Variants in PCDH11X observed in about 807,000 individuals in gnomAD.
PCDH11X encodes protocadherin-11 X-linked.
PCDH11X carries 18 observed loss-of-function variants against 53.3 expected under a neutral mutation model. That is an observed-to-expected ratio of 0.34 (90% confidence interval 0.23 to 0.50). PCDH11X has a LOEUF of 0.50. Ranked by LOEUF, PCDH11X falls within the 20% of genes least tolerant of loss-of-function variation. PCDH11X has a pLI of 0.98. For missense variants in PCDH11X, 570 were observed against 1,032.4 expected, an observed-to-expected ratio of 0.55 and a Z score of 6.14; for synonymous variants, 279 against 393.3, an observed-to-expected ratio of 0.71 and a Z score of 3.44.
intron 8 of PCDH11X, among the ~76,000 whole-genome samples, chrX:92,315,174 A>G (rs2069047778): frequency 8.9e-6 from 1 of 111,906 alleles, no homozygotes; most frequent in Admixed American, 9.5e-5. Flanking sequence ...ACTTTTACAG[A>G]TGCTCATAGA....
chrX:92,432,214 G>T (rs1443966583), intron 9 of PCDH11X, among the ~76,000 whole-genome samples: 9 of 109,500 alleles, frequency 8.2e-5, no homozygotes, highest in African/African-American at 3.0e-4. Flanking sequence ...AAATAATATG[G>T]CACCATTCTC....
At chrX:91,806,657 G>A (rs1424360264) in intron 1 of PCDH11X, among the ~76,000 whole-genome samples, 1 of 112,318 alleles carries the variant, frequency 8.9e-6, no homozygotes, top group African/African-American at 3.2e-5. Context: ...TTAGGCCTAC[G>A]CTGATGGAGG....
intron 10 of PCDH11X, among the ~76,000 whole-genome samples, chrX:92,609,609 T>A (rs1927155492): frequency 9.0e-6 from 1 of 111,443 alleles, no homozygotes; most frequent in South Asian, 3.7e-4. Context: ...CTTATTGTTA[T>A]TTTTTAGTTT....
chrX:92,235,729 A>T (rs1283716339), intron 7 of PCDH11X, among the ~76,000 whole-genome samples: 1 of 111,481 alleles, frequency 9.0e-6, no homozygotes, highest in Non-Finnish European at 1.9e-5. Context: ...TTGGAAGCAT[A>T]TGCAATGGGA....
intron 6 of PCDH11X, among the ~76,000 whole-genome samples, chrX:92,064,665 A>G (rs1037930155): frequency 7.2e-5 from 8 of 110,469 alleles, no homozygotes; most frequent in Non-Finnish European, 1.5e-4. Flanking sequence ...AGGTAATTAT[A>G]GATTTATGAT....
At chrX:92,060,533 G>A (rs1369212356) in intron 6 of PCDH11X, among the ~76,000 whole-genome samples, 1 of 109,715 alleles carries the variant, frequency 9.1e-6, no homozygotes. Context: ...TCTCTTCTTT[G>A]TGTCCATGTG....
At chrX:92,446,201 A>G (rs2072640840) in intron 9 of PCDH11X, among the ~76,000 whole-genome samples, 1 of 110,754 alleles carries the variant, frequency 9.0e-6, no homozygotes, top group African/African-American at 3.3e-5. Context: ...CAATATTTTA[A>G]ATGATTCTAT....
At chrX:92,257,256 C>T (rs2067611620) in intron 7 of PCDH11X, among the ~76,000 whole-genome samples, 1 of 111,099 alleles carries the variant, frequency 9.0e-6, no homozygotes, top group African/African-American at 3.3e-5. Context: ...ATGAGAACTC[C>T]ACCCCCATGA....
chrX:92,443,089 C>G (rs1256474973), intron 9 of PCDH11X, among the ~76,000 whole-genome samples: 1 of 106,032 alleles, frequency 9.4e-6, no homozygotes, highest in African/African-American at 3.5e-5. Flanking sequence ...TGTTTTTTGT[C>G]TTTTTCATAA....
At chrX:92,274,744 A>G (rs1356204750) in intron 8 of PCDH11X, among the ~76,000 whole-genome samples, 7 of 110,876 alleles carry the variant, frequency 6.3e-5, no homozygotes, top group Non-Finnish European at 1.3e-4. Flanking sequence ...AGGTTCTGAG[A>G]GGCGGGCTAG....
chrX:92,136,075 G>A (rs1000337688), intron 6 of PCDH11X, among the ~76,000 whole-genome samples: 39 of 111,342 alleles, frequency 3.5e-4, no homozygotes, highest in Non-Finnish European at 6.6e-4. Context: ...GAAGTCTTAT[G>A]TGTTCAAATT....
rs1347494806 is a variant in PCDH11X at position 92,622,741 on chromosome X, G to A, written c.*3801G>A. 1 of 109,338 alleles carries A rather than the reference G, an allele frequency of 9.1e-6. No homozygotes were observed. Among genetic ancestry groups the A allele is most frequent in the African/African-American group, 3.3e-5 (1 of 30,195 alleles). 9.0% of individuals were successfully genotyped at this position (109,338 alleles called of 1,213,427 possible). ...CACACCAGATCAATTTTATGCAGAG[G>A]CCTTAAAATATTCTTTCACAGTAGC... On this transcript the variant is annotated 3_prime_UTR_variant, in exon 11 of 11. Coordinates refer to ENST00000682573, the MANE Select transcript of PCDH11X (RefSeq NM_032968.5).
At chrX:92,538,101 C>G (rs868853993) in intron 10 of PCDH11X, among the ~76,000 whole-genome samples, 55 of 105,562 alleles carry the variant, frequency 5.2e-4, no homozygotes, top group Middle Eastern at 5.1e-3. Flanking sequence ...AAATTTACTT[C>G]TTTATCATTG....
At chrX:92,212,055 A>C (rs372375098) in intron 7 of PCDH11X, among the ~76,000 whole-genome samples, 2 of 86,360 alleles carry the variant, frequency 2.3e-5, no homozygotes, top group East Asian at 7.5e-4. Context: ...TTTGTCACCC[A>C]AGCTGGAGTG....
At chrX:92,214,607 C>G (rs988642183) in intron 7 of PCDH11X, among the ~76,000 whole-genome samples, 1 of 111,712 alleles carries the variant, frequency 9.0e-6, no homozygotes, top group Admixed American at 9.5e-5. Flanking sequence ...TTTTTCCCTC[C>G]AATCCCATCT....
At chrX:92,545,175 T>G (rs1281713270) in intron 10 of PCDH11X, among the ~76,000 whole-genome samples, 1 of 111,018 alleles carries the variant, frequency 9.0e-6, no homozygotes, top group Admixed American at 9.6e-5. Flanking sequence ...GATTAGCAAG[T>G]AAGTTTTGTG....
chrX:92,579,069 G>A (rs1923330479), intron 10 of PCDH11X, among the ~76,000 whole-genome samples: 1 of 104,771 alleles, frequency 9.5e-6, no homozygotes, highest in Non-Finnish European at 2.0e-5. Flanking sequence ...GTTGAATATT[G>A]GCTCCCAATC....
At chrX:91,869,651 T>G (rs1939176156) in intron 5 of PCDH11X, among the ~76,000 whole-genome samples, 1 of 111,268 alleles carries the variant, frequency 9.0e-6, no homozygotes, top group East Asian at 2.8e-4. Flanking sequence ...TCATTTGTAT[T>G]GCATATCTTC....
rs771474295 is a variant in PCDH11X, at chrX:92,555,358, A to G, written c.3368-62906A>G. ...TGTACCTAGGATCTATCATGATGAT[A>G]TTTTAACATTCACATAAAAAAATTA... On this transcript the variant is annotated intron_variant, in intron 10 of 10. Coordinates refer to ENST00000682573, the MANE Select transcript of PCDH11X (RefSeq NM_032968.5). 4.5e-4 allele frequency among the ~76,000 whole-genome samples: 50 copies of G among 111,995 alleles called. 1 individual carries two copies. In the South Asian group the frequency reaches 0.018, roughly 41 times the overall value.
Sources: gnomAD v4.1 joint callset for allele counts (sites outside exome capture counted in the v4.1 genomes callset) on GRCh38, gnomAD v4.1.1 for gene constraint, MANE v1.5 for transcripts, NCBI Gene and HGNC (gene_info 2026-07-23, HGNC 2026-07-21) for gene names.